Variants in ARHGEF26 observed in about 807,000 individuals in gnomAD.
ARHGEF26 encodes the protein Rho guanine nucleotide exchange factor (GEF) 26.
ARHGEF26 carries 59 observed loss-of-function variants against 89.4 expected under a neutral mutation model. That is an observed-to-expected ratio of 0.66 (90% CI 0.54 to 0.82). The LOEUF is 0.82. Ranked by LOEUF, ARHGEF26 falls within the 40% of genes least tolerant of loss-of-function variation. ARHGEF26 has a pLI of 0.00. For synonymous variants in ARHGEF26, 500 were observed against 428.4 expected (o/e 1.17, Z -2.06); for missense variants, 1,234 against 1,085.6 (o/e 1.14, Z -1.92).
intron 12 of ARHGEF26, among the ~76,000 whole-genome samples, chr3:154,246,502 A>G (rs1717807464): frequency 1.3e-5 from 2 of 152,182 alleles, no homozygotes; most frequent in Non-Finnish European, 1.5e-5. Context: ...TATTTTAACA[A>G]TTAATTTATT....
At chr3:154,198,703 A>G (rs762986284) in intron 9 of ARHGEF26, among the ~76,000 whole-genome samples, 2 of 152,054 alleles carry the variant, frequency 1.3e-5, no homozygotes, top group Non-Finnish European at 2.9e-5. Context: ...TAAGAATGAT[A>G]TTATGGACTA....
chr3:154,180,072 A>G (rs1345950024), intron 6 of ARHGEF26, among the ~76,000 whole-genome samples: 2 of 152,182 alleles, frequency 1.3e-5, no homozygotes, highest in East Asian at 3.9e-4. Flanking sequence ...TTCAAAGCCT[A>G]CTGTGTACCA....
intron 6 of ARHGEF26, among the ~76,000 whole-genome samples, chr3:154,156,932 G>T (rs1001703519): frequency 2.6e-5 from 4 of 152,068 alleles, no homozygotes; most frequent in Non-Finnish European, 5.9e-5. Flanking sequence ...ATAGCTATAG[G>T]TGATGACATA....
chr3:154,121,945 A>G lies in ARHGEF26; in HGVS notation c.-48A>G. On this transcript the variant is annotated 5_prime_UTR_variant, in exon 2 of 15. Coordinates refer to ENST00000465093, the MANE Select transcript of ARHGEF26 (RefSeq NM_015595.4). ...TCCTAACTTCTTTCCTCTTTAGGCA[A>G]GACTAACTCGGTGTTGCTCCTCCCG... 4 of 1,538,032 alleles carry G rather than the reference A, an allele frequency of 2.6e-6. No individual in the cohort carries two copies. The South Asian group carries it at 4.9e-5, about 19-fold the overall frequency.
At chr3:154,216,480 T>TTG (rs1438503768) in intron 9 of ARHGEF26, among the ~76,000 whole-genome samples, 1 of 27,270 alleles carries the variant, frequency 3.7e-5, no homozygotes, top group Admixed American at 5.5e-4. Flanking sequence ...CAGCACTTGT[T>TTG]TTTTTTTTTT....
In ARHGEF26 at chr3:154,236,012, A is replaced by T. The variant is rs561806108; in HGVS notation, c.2091-4358A>T. Among the ~76,000 whole-genome samples the T allele has an allele frequency of 2.0e-4, 30 of 152,358 alleles. No homozygotes were observed. In the South Asian group the frequency reaches 5.6e-3, roughly 28 times the overall value. On this transcript the variant is annotated intron_variant, in intron 11 of 14. Transcript: ENST00000465093. ...GAAAATTCTAACCTTTATAGAAATT[A>T]TGGGACAGAAACTTAAAGGGCTTCA... is the stretch of plus-strand genomic sequence containing the variant.
At chr3:154,240,203 A>G (rs1242809454) in intron 11 of ARHGEF26, among the ~76,000 whole-genome samples, 167 bp from the exon 12 acceptor site, 1 of 152,206 alleles carries the variant, frequency 6.6e-6, no homozygotes, top group African/African-American at 2.4e-5. Flanking sequence ...ATTGATTCAT[A>G]ATCAGTAGAT....
chr3:154,122,327 A>G lies in ARHGEF26; in HGVS notation c.335A>G (p.Lys112Arg), dbSNP rs759534905. The change falls in exon 2 of 15, where the codon AAG becomes AGG. Residue 112 changes from lysine to arginine, a missense_variant. Coordinates refer to ENST00000465093, the MANE Select transcript of ARHGEF26 (RefSeq NM_015595.4). ...GCCTCTCCTCGACTTCGACGGCCCA[A>G]GTCACCCAAGCTCCCCAAAGCGGTG... Reference protein sequence around the residue: ...RAASPRLRRPKSPKLPKAVPG... With the variant: ...RAASPRLRRPRSPKLPKAVPG... 3 of 1,612,790 alleles carry G rather than the reference A, an allele frequency of 1.9e-6. No individual in the cohort carries two copies. The highest frequency in any genetic ancestry group is 4.5e-5 in the East Asian group (2 of 44,854).
intron 11 of ARHGEF26, among the ~76,000 whole-genome samples, chr3:154,232,257 G>A (rs1025213790): frequency 1.3e-5 from 2 of 152,120 alleles, no homozygotes; most frequent in African/African-American, 4.8e-5. Context: ...TTGGTGACAG[G>A]GATGGGGCTT....
intron 9 of ARHGEF26, among the ~76,000 whole-genome samples, chr3:154,195,393 T>C (rs1462047931): frequency 6.6e-6 from 1 of 152,156 alleles, no homozygotes; most frequent in Non-Finnish European, 1.5e-5. Flanking sequence ...CGTAAGATGA[T>C]GTAGAGGCTA....
rs149306231 is a variant in ARHGEF26, at chr3:154,251,965, A to G, written c.2301-1151A>G. Among the ~76,000 whole-genome samples the G allele has an allele frequency of 1.4e-3, 215 of 152,334 alleles. 1 individual carries two copies. The East Asian group carries it at 0.015, about 11-fold the overall frequency. ...TGTATGTTAAGAAATTTTAATGGCA[A>G]TAATGAGTGGGCTTATCTACGCAAA... On this transcript the variant is annotated intron_variant, in intron 12 of 14. Transcript: ENST00000465093.
At position 154,257,368 on chromosome 3, in the gene ARHGEF26, T is replaced by A. The variant is rs1718588022; in HGVS notation, c.*1895T>A. 6.5e-6 allele frequency: 1 copy of A among 154,046 alleles called. No individual in the cohort carries two copies. 9.5% of individuals were successfully genotyped at this position (154,046 alleles called of 1,614,324 possible). On this transcript the variant is annotated 3_prime_UTR_variant, in exon 15 of 15. Transcript: ENST00000465093. ...TCACCTCTTTAATAATGTCACAGAC[T>A]TTTTAAAAGAGAGGCTATCAAGTTG...
chr3:154,146,992 G>T (rs1265519820), intron 4 of ARHGEF26, among the ~76,000 whole-genome samples: 1 of 152,190 alleles, frequency 6.6e-6, no homozygotes, highest in Non-Finnish European at 1.5e-5. Context: ...ATTTAAACCA[G>T]TGAGGAATAA....
intron 7 of ARHGEF26, among the ~76,000 whole-genome samples, chr3:154,190,170 A>G (rs1031588510): frequency 6.6e-6 from 1 of 152,068 alleles, no homozygotes; most frequent in Non-Finnish European, 1.5e-5. Flanking sequence ...AAGTGAGGTA[A>G]GAGAGTGAGA....
rs941455212 is a variant in ARHGEF26, at chr3:154,122,070, C to G, written c.78C>G (p.Pro26=). The change falls in exon 2 of 15, where the codon CCC becomes CCG. Residue 26 remains proline (P), a synonymous_variant. Coordinates refer to ENST00000465093, the MANE Select transcript of ARHGEF26 (RefSeq NM_015595.4). ...GGCGGAGGCGGTCGATTCCTCAGCC[C>G]CACCAGGTTCTGGGCCGGAGCAAGC... is the stretch of plus-strand genomic sequence containing the variant. ...PLWRRRSIPQ[P]HQVLGRSKPR... 1 of 1,612,852 alleles carries G rather than the reference C, an allele frequency of 6.2e-7. No homozygotes were observed. The highest frequency in any genetic ancestry group is 8.5e-7 in the Non-Finnish European group (1 of 1,179,414).
chr3:154,156,104 C>T (rs1231094729), intron 6 of ARHGEF26, among the ~76,000 whole-genome samples: 1 of 151,810 alleles, frequency 6.6e-6, no homozygotes, highest in Non-Finnish European at 1.5e-5. Flanking sequence ...TCTGTAGTTT[C>T]AGCATCTGCA....
At position 154,226,239 on chromosome 3, in the gene ARHGEF26, C is replaced by T. The variant is rs373135667; in HGVS notation, c.2090+229C>T. 9.8e-5 allele frequency among the ~76,000 whole-genome samples: 15 copies of T among 152,296 alleles called. 2 individuals carry two copies. The highest frequency in any genetic ancestry group is 2.0e-4 in the Admixed American group (3 of 15,304). On this transcript the variant is annotated intron_variant, in intron 11 of 14. Transcript: ENST00000465093. ...TGCCAACCTCTATTGAGCCACTGTT[C>T]TAAGCATTTTACACATTTATATCAT...
chr3:154,242,682 A>G (rs544531516), intron 12 of ARHGEF26, among the ~76,000 whole-genome samples: 46 of 152,336 alleles, frequency 3.0e-4, no homozygotes, highest in Admixed American at 9.1e-4. Context: ...ATAAAATACT[A>G]TCAAACAGCA....
intron 9 of ARHGEF26, among the ~76,000 whole-genome samples, chr3:154,196,886 GA>G (rs199937762): frequency 2.5e-4 from 35 of 138,484 alleles, no homozygotes; most frequent in Admixed American, 2.9e-4. Flanking sequence ...CTAAGAAATT[GA>G]AAAAAAAAAA....
Sources: allele counts gnomAD v4.1 joint callset (sites outside exome capture counted in the v4.1 genomes callset), GRCh38; gene constraint gnomAD v4.1.1; transcripts MANE v1.5; gene names NCBI Gene and HGNC (gene_info 2026-07-23, HGNC 2026-07-21).